Variants in ASF1B observed in about 807,000 individuals in gnomAD.
ASF1B encodes histone chaperone ASF1B.
In ASF1B, 10 loss-of-function variants were observed where a neutral mutation model predicts 16.6. The observed-to-expected ratio is 0.60, with a 90% CI of 0.37 to 1.02. ASF1B has a LOEUF of 1.02. Among genes scored for constraint, ASF1B ranks in the 50% least tolerant of loss-of-function variants. The pLI is 0.01. For missense variants in ASF1B, 240 were observed against 266.0 expected (o/e 0.90, Z 0.68); for synonymous variants, 101 against 106.2 (o/e 0.95, Z 0.30).
intron 1 of ASF1B, among the ~76,000 whole-genome samples, chr19:14,135,512 T>TA (rs1430933129): frequency 1.3e-5 from 2 of 151,954 alleles, no homozygotes; most frequent in African/African-American, 4.8e-5. Context: ...GGTTCCAGGG[T>TA]ATGTGCATTG....
At chr19:14,124,902 G>A (rs1230116567) in intron 2 of ASF1B, among the ~76,000 whole-genome samples, 1 of 152,212 alleles carries the variant, frequency 6.6e-6, no homozygotes, top group African/African-American at 2.4e-5. Flanking sequence ...GTTTCATTCA[G>A]GAGAGTTATA....
At chr19:14,131,176 C>T (rs1967398428) in intron 1 of ASF1B, among the ~76,000 whole-genome samples, 1 of 150,308 alleles carries the variant, frequency 6.7e-6, no homozygotes, top group Admixed American at 6.7e-5. Flanking sequence ...CTGTGCCTGG[C>T]CATTTTTTTT....
intron 3 of ASF1B, 32 bp from the exon 4 acceptor site, chr19:14,120,697 AG>A: frequency 6.2e-7 from 1 of 1,607,408 alleles, no homozygotes; most frequent in Non-Finnish European, 8.5e-7. Context: ...CAACCCTTGT[AG>A]GTACGCCCTC....
intron 1 of ASF1B, among the ~76,000 whole-genome samples, chr19:14,135,922 T>C (rs1319589223): frequency 6.6e-6 from 1 of 151,512 alleles, no homozygotes; most frequent in Non-Finnish European, 1.5e-5. Context: ...CTCCGTGGGT[T>C]AAGAAATGGA....
intron 1 of ASF1B, among the ~76,000 whole-genome samples, chr19:14,130,655 C>T (rs1380836058): frequency 8.6e-5 from 13 of 151,994 alleles, no homozygotes; most frequent in Non-Finnish European, 1.5e-4. Flanking sequence ...CAGGACACAG[C>T]TGTACACATG....
intron 1 of ASF1B, among the ~76,000 whole-genome samples, chr19:14,131,007 A>G (rs1377079640): frequency 6.6e-6 from 1 of 151,522 alleles, no homozygotes; most frequent in African/African-American, 2.4e-5. Context: ...CCTCCCAAAT[A>G]GCTGGGACTA....
intron 1 of ASF1B, among the ~76,000 whole-genome samples, chr19:14,127,096 T>C (rs1967330116): frequency 6.6e-6 from 1 of 152,162 alleles, no homozygotes; most frequent in Non-Finnish European, 1.5e-5. Flanking sequence ...CTTGTGGTAA[T>C]TTTAGACAGA....
Position 14,136,547 on chromosome 19 carries a change from GA to G in ASF1B, c.-92del. 9.5e-7 allele frequency: 1 copy of G among 1,048,134 alleles called. No homozygotes were observed. 64.9% of individuals were successfully genotyped at this position (1,048,134 alleles called of 1,614,324 possible). On this transcript the variant is annotated 5_prime_UTR_variant, in exon 1 of 4. Coordinates refer to ENST00000263382, the MANE Select transcript of ASF1B (RefSeq NM_018154.3). ...CCGGTGGGGTCAGTGGGGTAGGGCT[GA>G]CCAGGTCCACTCCCGCCTCTTCTCT... is the stretch of plus-strand genomic sequence containing the variant.
intron 2 of ASF1B, among the ~76,000 whole-genome samples, chr19:14,123,822 A>G (rs1188593320): frequency 8.7e-6 from 1 of 114,442 alleles, no homozygotes; most frequent in Non-Finnish European, 1.8e-5. Context: ...ACAGGGTCTC[A>G]CTCTGTTGCC....
intron 1 of ASF1B, among the ~76,000 whole-genome samples, chr19:14,129,279 A>G (rs946304256): frequency 2.6e-5 from 4 of 151,938 alleles, no homozygotes; most frequent in African/African-American, 9.7e-5. Flanking sequence ...GAAAAAATGT[A>G]CTGTGTTGAC....
At chr19:14,126,290 C>A in intron 1 of ASF1B, 53 bp from the exon 2 acceptor site, 2 of 1,294,148 alleles carry the variant, frequency 1.5e-6, no homozygotes, top group Non-Finnish European at 1.1e-6. Context: ...AGCAAGAAGG[C>A]AGGGATAGGC....
At position 14,120,634 on chromosome 19, in the gene ASF1B, C is replaced by T. The variant is rs200801036; in HGVS notation, c.434G>A (p.Arg145Gln). ...CCAGTTGATATGGAAGCGGGTCACC[C>T]GGGGGTTCGAGGCCAAGATGTTCCG... is the stretch of plus-strand genomic sequence containing the variant. ...LQRNILASNPRVTRFHINWDN... is the reference protein window; with the variant it reads ...LQRNILASNPQVTRFHINWDN... Residue 145 changes from arginine to glutamine, a missense_variant, in exon 4 of 4, where the codon CGG becomes CAG. Transcript: ENST00000263382. 14 of 1,613,864 alleles carry T rather than the reference C, an allele frequency of 8.7e-6. No individual in the cohort carries two copies. Among genetic ancestry groups the T allele is most frequent in the African/African-American group, 4.0e-5 (3 of 74,860 alleles).
intron 2 of ASF1B, among the ~76,000 whole-genome samples, chr19:14,122,456 C>G (rs989645295): frequency 6.6e-6 from 1 of 151,972 alleles, no homozygotes; most frequent in Non-Finnish European, 1.5e-5. Context: ...TCCTTGAACT[C>G]CTGGGCTCAA....
At chr19:14,125,130 C>T (rs1967298965) in intron 2 of ASF1B, among the ~76,000 whole-genome samples, 1 of 152,128 alleles carries the variant, frequency 6.6e-6, no homozygotes, top group Non-Finnish European at 1.5e-5. Flanking sequence ...CCACACCTGG[C>T]TGATTTTTGT....
chr19:14,135,006 T>C (rs955442871), intron 1 of ASF1B, among the ~76,000 whole-genome samples: 5 of 151,578 alleles, frequency 3.3e-5, no homozygotes, highest in African/African-American at 1.2e-4. Flanking sequence ...GGTGGATCAC[T>C]TGAGGTCAGG....
chr19:14,125,455 A>C (rs916886701), intron 2 of ASF1B, among the ~76,000 whole-genome samples: 2 of 152,228 alleles, frequency 1.3e-5, no homozygotes, highest in African/African-American at 4.8e-5. Flanking sequence ...AATCAGTGGC[A>C]GCTTTGACAC....
chr19:14,136,136 G>A (rs1472005621), intron 1 of ASF1B, among the ~76,000 whole-genome samples: 3 of 151,412 alleles, frequency 2.0e-5, no homozygotes, highest in African/African-American at 7.3e-5. Context: ...GGCGGGCAGT[G>A]GGGGAGGAGG....
intron 1 of ASF1B, among the ~76,000 whole-genome samples, chr19:14,135,695 G>A (rs1158515501): frequency 6.6e-6 from 1 of 152,140 alleles, no homozygotes; most frequent in African/African-American, 2.4e-5. Flanking sequence ...TTCACGGCAA[G>A]GAGAGAGGAG....
Position 14,130,787 on chromosome 19 carries a change from G to GTATATATATATA in ASF1B, c.110-4562_110-4551dup, listed in dbSNP as rs61351900. 1.1e-3 allele frequency among the ~76,000 whole-genome samples: 159 copies of GTATATATATATA among 142,452 alleles called. 1 individual carries two copies. The highest frequency in any genetic ancestry group is 6.7e-3 in the South Asian group (30 of 4,480). The allele number at this position is 142,452 out of a possible 152,430, so 93.5% of individuals were successfully genotyped here. A position where few individuals can be genotyped will look rare whatever the true frequency, so the allele number is the denominator to read the frequency against. On this transcript the variant is annotated intron_variant, in intron 1 of 3. Transcript: ENST00000263382. Reference sequence around the variant, plus strand: ...ACATACCTCCACTGTGTGTTTGTGTGTATATATATATATATATATATATAA... The same window carrying GTATATATATATA: ...ACATACCTCCACTGTGTGTTTGTGTGTATATATATATATATATATATATATATATATATATAA...
Sources: gnomAD v4.1 joint callset for allele counts (sites outside exome capture counted in the v4.1 genomes callset) on GRCh38, gnomAD v4.1.1 for gene constraint, MANE v1.5 for transcripts, NCBI Gene and HGNC (gene_info 2026-07-23, HGNC 2026-07-21) for gene names.